Variants in SGCD observed in about 807,000 individuals in gnomAD.
SGCD encodes the protein delta-sarcoglycan.
SGCD carries 18 observed loss-of-function variants against 36.6 expected under a neutral mutation model. The observed-to-expected ratio is 0.49, with a 90% CI of 0.34 to 0.73. SGCD has a LOEUF of 0.73. Ranked by LOEUF, SGCD falls within the 30% of genes least tolerant of loss-of-function variation. SGCD has a pLI of 0.01. For missense variants in SGCD, 387 were observed against 346.7 expected (o/e 1.12, Z -0.92); for synonymous variants, 133 against 130.6 (o/e 1.02, Z -0.12).
Position 156,663,965 on chromosome 5 carries a change from GC to G in SGCD, c.575+16432del, listed in dbSNP as rs553438694. Among the ~76,000 whole-genome samples the G allele has an allele frequency of 9.3e-3, 379 of 40,628 alleles. 15 individuals are homozygous for G. Among genetic ancestry groups the G allele is most frequent in the East Asian group, 0.092 (95 of 1,030 alleles). The allele number at this position is 40,628 out of a possible 152,430, so 26.7% of individuals were successfully genotyped here. The stretch of plus-strand genomic sequence containing the variant: ...CTTTGCTCGTTTCCCGACAATGGTT[GC>G]CCATTTTTATCAAATTTAGAACGAC... On this transcript the variant is annotated intron_variant, in intron 7 of 8. Coordinates refer to ENST00000337851, the MANE Select transcript of SGCD (RefSeq NM_000337.6).
At chr5:156,384,253 T>C (rs1771153625) in intron 3 of SGCD, among the ~76,000 whole-genome samples, 1 of 152,230 alleles carries the variant, frequency 6.6e-6, no homozygotes, top group Non-Finnish European at 1.5e-5. Flanking sequence ...TTCGTTAGTC[T>C]ACTTTACTCT....
At chr5:155,940,198 T>C (rs1479278114) in intron 1 of SGCD, among the ~76,000 whole-genome samples, 1 of 152,200 alleles carries the variant, frequency 6.6e-6, no homozygotes, top group Non-Finnish European at 1.5e-5. Flanking sequence ...CTCATTATTA[T>C]CAGGGCTTTT....
chr5:156,504,525 T>A (rs1014431095), intron 3 of SGCD, among the ~76,000 whole-genome samples: 2 of 152,024 alleles, frequency 1.3e-5, no homozygotes, highest in South Asian at 4.1e-4. Flanking sequence ...AATATTTGCC[T>A]GCACTCTTAC....
At chr5:156,115,718 T>G (rs1761891997) in intron 1 of SGCD, among the ~76,000 whole-genome samples, 1 of 152,116 alleles carries the variant, frequency 6.6e-6, no homozygotes, top group South Asian at 2.1e-4. Context: ...ATCCATAGTT[T>G]TCCCATCACT....
chr5:155,862,516 T>C, the SGCD span, among the ~76,000 whole-genome samples: 1 of 152,144 alleles, frequency 6.6e-6, no homozygotes, highest in South Asian at 2.1e-4. Flanking sequence ...TTTTATTTTT[T>C]TGTAGAGACA....
chr5:156,759,468 C>A lies in SGCD; in HGVS notation c.*78C>A. On this transcript the variant is annotated 3_prime_UTR_variant, in exon 9 of 9. Coordinates refer to ENST00000337851, the MANE Select transcript of SGCD (RefSeq NM_000337.6). ...AGACACTGGCTGCCAGCTATTTTTA[C>A]TAGAACACAGAAAGCCTATCAAAGA... 9.9e-7 allele frequency: 1 copy of A among 1,011,848 alleles called. No homozygotes were observed. Among genetic ancestry groups the A allele is most frequent in the Non-Finnish European group, 1.5e-6 (1 of 684,276 alleles). 62.7% of individuals were successfully genotyped at this position (1,011,848 alleles called of 1,614,324 possible). A position where few individuals can be genotyped will look rare whatever the true frequency, so the allele number is the denominator to read the frequency against.
At chr5:156,745,677 T>TA (rs1026476283) in intron 7 of SGCD, among the ~76,000 whole-genome samples, 94 of 151,566 alleles carry the variant, frequency 6.2e-4, no homozygotes, top group African/African-American at 2.0e-3. Flanking sequence ...TTACTATGCA[T>TA]AAAAAAACAC....
At chr5:155,939,454 G>A (rs933371814) in intron 1 of SGCD, among the ~76,000 whole-genome samples, 10 of 151,754 alleles carry the variant, frequency 6.6e-5, no homozygotes, top group African/African-American at 2.2e-4. Flanking sequence ...AAGCCTGACC[G>A]ATATGGTGAA....
At chr5:156,532,953 G>T (rs199943499) in intron 4 of SGCD, among the ~76,000 whole-genome samples, 3 of 152,186 alleles carry the variant, frequency 2.0e-5, no homozygotes, top group African/African-American at 4.8e-5. Flanking sequence ...GCTTAGAAAG[G>T]CACAGAAAGA....
At chr5:156,489,196 C>T (rs1417935657) in intron 3 of SGCD, among the ~76,000 whole-genome samples, 1 of 152,006 alleles carries the variant, frequency 6.6e-6, no homozygotes, top group Non-Finnish European at 1.5e-5. Flanking sequence ...AATATACAAG[C>T]ACCCAAAACC....
At chr5:156,034,107 C>T (rs1252570470) in intron 1 of SGCD, among the ~76,000 whole-genome samples, 1 of 152,264 alleles carries the variant, frequency 6.6e-6, no homozygotes, top group East Asian at 1.9e-4. Context: ...ACTCCTCACA[C>T]TTGAAGAAAC....
At chr5:156,619,160 G>A (rs1014869310) in intron 6 of SGCD, among the ~76,000 whole-genome samples, 21 of 151,970 alleles carry the variant, frequency 1.4e-4, no homozygotes, top group Non-Finnish European at 2.5e-4. Flanking sequence ...AGAGTAGCTG[G>A]GACTACAGGC....
intron 1 of SGCD, among the ~76,000 whole-genome samples, chr5:155,989,675 T>C (rs1758394839): frequency 1.3e-5 from 2 of 152,218 alleles, no homozygotes. Flanking sequence ...ATTCTGTAAA[T>C]AAATAATATA....
rs1056359494 is a variant in SGCD, at chr5:156,136,821, G to A, written c.-44+12802G>A. Among the ~76,000 whole-genome samples the A allele has an allele frequency of 2.6e-5, 4 of 152,096 alleles. No homozygotes were observed. The East Asian group carries it at 7.7e-4, about 29-fold the overall frequency. On this transcript the variant is annotated intron_variant, in intron 3 of 9. Coordinates refer to the SGCD transcript ENST00000517913. ...ACTACCTTCTTCTGTACAGTTAATG[G>A]TTAAACCCCAAGTGGCAAAAAGAAT...
intron 1 of SGCD, among the ~76,000 whole-genome samples, chr5:155,988,106 C>A (rs1758365042): frequency 6.6e-6 from 1 of 152,126 alleles, no homozygotes; most frequent in Non-Finnish European, 1.5e-5. Context: ...TGAGTTTAAA[C>A]CCAGATTTTT....
chr5:156,166,521 C>T (rs913852146), intron 3 of SGCD, among the ~76,000 whole-genome samples: 1 of 152,152 alleles, frequency 6.6e-6, no homozygotes, highest in Non-Finnish European at 1.5e-5. Flanking sequence ...AGGGTTTCAC[C>T]GTGTTAGCCA....
intron 2 of SGCD, among the ~76,000 whole-genome samples, chr5:156,339,005 G>C (rs1015189459): frequency 6.6e-6 from 1 of 152,146 alleles, no homozygotes; most frequent in South Asian, 2.1e-4. Flanking sequence ...GTCCCAGGTA[G>C]GAACATTTGA....
chr5:156,753,732 TAAAACCATCAGATCTCATGAGAACTC>T (rs1387569614), intron 7 of SGCD, among the ~76,000 whole-genome samples: 2 of 152,052 alleles, frequency 1.3e-5, no homozygotes, highest in African/African-American at 4.8e-5. Context: ...AAGCCTCTTA[TAAAACCATCAGATCTCATGAGAACTC>T]ACCATCATGA....
intron 3 of SGCD, among the ~76,000 whole-genome samples, chr5:156,379,971 C>A (rs1244147054): frequency 6.6e-6 from 1 of 152,106 alleles, no homozygotes; most frequent in Non-Finnish European, 1.5e-5. Flanking sequence ...CTGAGTGTAT[C>A]TGTTGTTTAG....
Sources: allele counts gnomAD v4.1 joint callset (sites outside exome capture counted in the v4.1 genomes callset), GRCh38; gene constraint gnomAD v4.1.1; transcripts MANE v1.5; gene names NCBI Gene and HGNC (gene_info 2026-07-23, HGNC 2026-07-21).